The following RAP2A variants were observed in gnomAD, a reference collection of about 807,000 sequenced individuals.
The protein encoded by RAP2A is ras-related protein Rap-2a.
In RAP2A, 5 loss-of-function variants were observed where a neutral mutation model predicts 15.1. That is an observed-to-expected ratio of 0.33 (90% confidence interval 0.17 to 0.70). The LOEUF (loss-of-function observed/expected upper bound fraction) is 0.70, where lower values mean the gene tolerates loss of function less well. Ranked by LOEUF, RAP2A falls within the 30% of genes least tolerant of loss-of-function variation. The pLI is 0.68. For synonymous variants in RAP2A, 110 were observed against 99.7 expected (o/e 1.10, Z -0.62); for missense variants, 111 against 240.3 (o/e 0.46, Z 3.56).
Position 97,464,980 on chromosome 13 carries a change from T to C in RAP2A, c.*538T>C, listed in dbSNP as rs2066764413. Reference sequence around the variant, plus strand: ...ATTACAGGGAGATTCTTTGCTCAGCTAACACATTTCTGTTTTTCAAAATTG... The same window carrying C: ...ATTACAGGGAGATTCTTTGCTCAGCCAACACATTTCTGTTTTTCAAAATTG... On this transcript the variant is annotated 3_prime_UTR_variant, in exon 2 of 2. Transcript: ENST00000245304. 6.5e-6 allele frequency: 1 copy of C among 152,800 alleles called. No individual in the cohort carries two copies. The highest frequency in any genetic ancestry group is 2.1e-4 in the South Asian group (1 of 4,846). The allele number at this position is 152,800 out of a possible 1,614,324, so 9.5% of individuals were successfully genotyped here. A position where few individuals can be genotyped will look rare whatever the true frequency, so the allele number is the denominator to read the frequency against.
chr13:97,434,801 G>A lies in RAP2A; in HGVS notation c.314+17G>A, dbSNP rs200346044. 9.5e-5 allele frequency: 154 copies of A among 1,612,578 alleles called. No homozygotes were observed. In the East Asian group the frequency reaches 3.3e-3, roughly 34 times the overall value. Reference sequence around the variant, plus strand: ...CGTGAAGCGGTGAGCGAGGGCACACGGGGGCTTGGCGGCTGCACCCCGGAG... The same window carrying A: ...CGTGAAGCGGTGAGCGAGGGCACACAGGGGCTTGGCGGCTGCACCCCGGAG... On this transcript the variant is annotated intron_variant, in intron 1 of 1. Coordinates refer to ENST00000245304, the MANE Select transcript of RAP2A (RefSeq NM_021033.7).
At chr13:97,444,906 A>C (rs1163097384) in intron 1 of RAP2A, among the ~76,000 whole-genome samples, 1 of 152,188 alleles carries the variant, frequency 6.6e-6, no homozygotes, top group African/African-American at 2.4e-5. Context: ...TCGACTGTGT[A>C]ATTTATAAAC....
At position 97,467,033 on chromosome 13, in the gene RAP2A, T is replaced by C. The variant is rs561015739; in HGVS notation, c.*2591T>C. ...TGACCTTGTGTCACTATTTATTTTA[T>C]GCCCTGATCAGACTAGCAACTTAGA... On this transcript the variant is annotated 3_prime_UTR_variant, in exon 2 of 2. Transcript: ENST00000245304. 1 of 152,750 alleles carries C rather than the reference T, an allele frequency of 6.5e-6. No homozygotes were observed. Among genetic ancestry groups the C allele is most frequent in the South Asian group, 2.1e-4 (1 of 4,832 alleles). The allele number at this position is 152,750 out of a possible 1,614,324, so 9.5% of individuals were successfully genotyped here. A position where few individuals can be genotyped will look rare whatever the true frequency, so the allele number is the denominator to read the frequency against.
rs375901326 is a variant in RAP2A, at chr13:97,435,641, G to A, written c.314+857G>A. 2.2e-4 allele frequency among the ~76,000 whole-genome samples: 34 copies of A among 152,020 alleles called. No homozygotes were observed. The South Asian group carries it at 6.8e-3, about 31-fold the overall frequency. ...AAGTATACATTTTGGAAATATGGCT[G>A]ATAAATGATTTAAAATGTTTGTTTT... is the stretch of plus-strand genomic sequence containing the variant. On this transcript the variant is annotated intron_variant, in intron 1 of 1. Coordinates refer to ENST00000245304, the MANE Select transcript of RAP2A (RefSeq NM_021033.7).
intron 1 of RAP2A, among the ~76,000 whole-genome samples, chr13:97,462,938 G>C (rs9554396): frequency 0.53 from 80,991 of 152,154 alleles, 25,330 homozygotes; most frequent in Middle Eastern, 0.71. Flanking sequence ...CTATTATCCA[G>C]TTTCCTGAAT....
rs985742300 is a variant in RAP2A at position 97,465,743 on chromosome 13, T to C, written c.*1301T>C. ...CTGACATTTTTGGTTTTCATAGTCG[T>C]GAAGTATTTATCATTTGCATGACTA... On this transcript the variant is annotated 3_prime_UTR_variant, in exon 2 of 2. Transcript: ENST00000245304. The C allele has an allele frequency of 6.6e-6, 1 of 152,224 alleles. No homozygotes were observed. Among genetic ancestry groups the C allele is most frequent in the African/African-American group, 2.4e-5 (1 of 41,468 alleles). The allele number at this position is 152,224 out of a possible 1,614,324, so 9.4% of individuals were successfully genotyped here. A position where few individuals can be genotyped will look rare whatever the true frequency, so the allele number is the denominator to read the frequency against.
intron 1 of RAP2A, among the ~76,000 whole-genome samples, chr13:97,438,760 G>C (rs1381012521): frequency 6.6e-6 from 1 of 152,112 alleles, no homozygotes; most frequent in Non-Finnish European, 1.5e-5. Flanking sequence ...TTATTTGTGT[G>C]ATAATTTATG....
At chr13:97,455,008 T>C (rs777033455) in intron 1 of RAP2A, among the ~76,000 whole-genome samples, 8 of 151,460 alleles carry the variant, frequency 5.3e-5, no homozygotes, top group African/African-American at 1.5e-4. Context: ...CTATATGTAA[T>C]GCATTTGTTT....
At chr13:97,448,741 G>C (rs1456617538) in intron 1 of RAP2A, among the ~76,000 whole-genome samples, 1 of 152,112 alleles carries the variant, frequency 6.6e-6, no homozygotes, top group African/African-American at 2.4e-5. Context: ...ACTCAGGTTC[G>C]CTCACTTGAT....
rs2066783187 is a variant in RAP2A, at chr13:97,468,751, G to T, written c.*4309G>T. On this transcript the variant is annotated 3_prime_UTR_variant, in exon 2 of 2. Transcript: ENST00000245304. ...CTTCATAATTTTATTTGAAGTGTTT[G>T]TAAATTTTTTAATAAATTATTTAAA... is the stretch of plus-strand genomic sequence containing the variant. 1 of 152,188 alleles carries T rather than the reference G, an allele frequency of 6.6e-6. No individual in the cohort carries two copies. Among genetic ancestry groups the T allele is most frequent in the Non-Finnish European group, 1.5e-5 (1 of 68,038 alleles). The allele number at this position is 152,188 out of a possible 1,614,324, so 9.4% of individuals were successfully genotyped here.
At chr13:97,436,840 C>G (rs2066636255) in intron 1 of RAP2A, among the ~76,000 whole-genome samples, 1 of 152,124 alleles carries the variant, frequency 6.6e-6, no homozygotes, top group Non-Finnish European at 1.5e-5. Flanking sequence ...AGAATTCAAC[C>G]GTTGTATACA....
chr13:97,462,665 A>G (rs1257254972), intron 1 of RAP2A, among the ~76,000 whole-genome samples: 1 of 152,238 alleles, frequency 6.6e-6, no homozygotes, highest in Non-Finnish European at 1.5e-5. Flanking sequence ...CTATAAAATG[A>G]TAATATCCAA....
rs1310335640 is a variant in RAP2A, at chr13:97,467,369, A to G, written c.*2927A>G. 6.6e-6 allele frequency: 1 copy of G among 152,642 alleles called. No homozygotes were observed. Among genetic ancestry groups the G allele is most frequent in the Non-Finnish European group, 1.5e-5 (1 of 68,046 alleles). The allele number at this position is 152,642 out of a possible 1,614,324, so 9.5% of individuals were successfully genotyped here. A position where few individuals can be genotyped will look rare whatever the true frequency, so the allele number is the denominator to read the frequency against. ...ATTTTCTCCTTTGGTTTGTAGAATTAGGACTGAACTTTTGACTCAAATTGC... is the reference window on the plus strand; with the variant it reads ...ATTTTCTCCTTTGGTTTGTAGAATTGGGACTGAACTTTTGACTCAAATTGC... On this transcript the variant is annotated 3_prime_UTR_variant, in exon 2 of 2. Coordinates refer to ENST00000245304, the MANE Select transcript of RAP2A (RefSeq NM_021033.7).
chr13:97,467,677 C>CTTT lies in RAP2A; in HGVS notation c.*3244_*3246dup, dbSNP rs11380177. 18 of 148,486 alleles carry CTTT rather than the reference C, an allele frequency of 1.2e-4. No individual in the cohort carries two copies. Among genetic ancestry groups the CTTT allele is most frequent in the Non-Finnish European group, 1.8e-4 (12 of 66,926 alleles). 9.2% of individuals were successfully genotyped at this position (148,486 alleles called of 1,614,324 possible). On this transcript the variant is annotated 3_prime_UTR_variant, in exon 2 of 2. Transcript: ENST00000245304. ...ATCAAACATTAAGGACTATGGAGGT[C>CTTT]TTTTTTTTTTTATTTAACATGTCAT...
At chr13:97,435,465 CAAAAAAA>C (rs35791914) in intron 1 of RAP2A, among the ~76,000 whole-genome samples, 17 of 63,640 alleles carry the variant, frequency 2.7e-4, no homozygotes, top group Non-Finnish European at 3.0e-4. Flanking sequence ...TAACCCCTTC[CAAAAAAA>C]AAAAAAAAAA....
chr13:97,462,055 TA>T (rs1182491323), intron 1 of RAP2A, among the ~76,000 whole-genome samples: 103 of 145,528 alleles, frequency 7.1e-4, no homozygotes, highest in African/African-American at 2.5e-3. Flanking sequence ...TATATATATT[TA>T]TATATATATT....
At chr13:97,453,530 C>G (rs2066711046) in intron 1 of RAP2A, among the ~76,000 whole-genome samples, 1 of 151,320 alleles carries the variant, frequency 6.6e-6, no homozygotes, top group Non-Finnish European at 1.5e-5. Context: ...CCTGGAGATT[C>G]ATCCAAGGTG....
intron 1 of RAP2A, among the ~76,000 whole-genome samples, chr13:97,436,722 CAT>C (rs1367294528): frequency 6.6e-6 from 1 of 152,120 alleles, no homozygotes; most frequent in Non-Finnish European, 1.5e-5. Flanking sequence ...AGAGGAAAAA[CAT>C]AGAGTAAAAT....
intron 1 of RAP2A, among the ~76,000 whole-genome samples, chr13:97,437,095 A>G (rs2066637313): frequency 6.6e-6 from 1 of 152,204 alleles, no homozygotes; most frequent in Non-Finnish European, 1.5e-5. Flanking sequence ...TGTAATTTTA[A>G]CATTCCTAGT....
Sources: gnomAD v4.1 joint callset for allele counts (sites outside exome capture counted in the v4.1 genomes callset) on GRCh38, gnomAD v4.1.1 for gene constraint, MANE v1.5 for transcripts, NCBI Gene and HGNC (gene_info 2026-07-23, HGNC 2026-07-21) for gene names.